Variants in ROBO2 observed in about 807,000 individuals in gnomAD.
ROBO2 encodes the protein roundabout guidance receptor 2.
ROBO2 carries 53 observed loss-of-function variants against 160.8 expected under a neutral mutation model. The ratio of observed to expected loss-of-function variants is 0.33; its 90% confidence interval spans 0.26 to 0.41. ROBO2 has a LOEUF of 0.41. ROBO2 is among the 10% of genes least tolerant of loss of function. The pLI is 1.00. For missense variants in ROBO2, 1,577 were observed against 1,722.4 expected, an observed-to-expected ratio of 0.92 and a Z score of 1.49; for synonymous variants, 664 against 611.7, an observed-to-expected ratio of 1.09 and a Z score of -1.26.
chr3:76,466,968 T>C (rs1310492325), intron 2 of ROBO2, among the ~76,000 whole-genome samples: 2 of 152,086 alleles, frequency 1.3e-5, no homozygotes, highest in Non-Finnish European at 2.9e-5. Flanking sequence ...CATGATGACA[T>C]TTTAATAGAT....
At chr3:77,476,068 T>C (rs1368650545) in intron 2 of ROBO2, among the ~76,000 whole-genome samples, 1 of 152,174 alleles carries the variant, frequency 6.6e-6, no homozygotes, top group Non-Finnish European at 1.5e-5. Flanking sequence ...TTCATTAAGA[T>C]GGAAAACCAT....
intron 2 of ROBO2, among the ~76,000 whole-genome samples, chr3:76,876,055 G>A (rs1411196510): frequency 1.3e-5 from 2 of 151,828 alleles, no homozygotes; most frequent in East Asian, 3.9e-4. Context: ...TATCTGCACA[G>A]TCCCTTTGTC....
At chr3:76,505,465 A>T (rs2080747015) in intron 2 of ROBO2, among the ~76,000 whole-genome samples, 3 of 152,038 alleles carry the variant, frequency 2.0e-5, no homozygotes, top group Admixed American at 1.3e-4. Context: ...TGTGAATGTG[A>T]TCTTATTTGG....
chr3:76,004,976 A>G (rs2065980683), intron 2 of ROBO2, among the ~76,000 whole-genome samples: 1 of 152,188 alleles, frequency 6.6e-6, no homozygotes, highest in South Asian at 2.1e-4. Context: ...TTTAGGTCAT[A>G]AAGGCTGAAG....
In ROBO2 at chr3:76,323,409, T is replaced by A. The variant is rs2072746022; in HGVS notation, c.109+385807T>A. On this transcript the variant is annotated intron_variant, in intron 2 of 26. Transcript: ENST00000487694. ...AAATGTTAGATGCATACTATTATTT[T>A]TTTATTTTTAGTCAAATAAAATGCA... 2.0e-5 allele frequency among the ~76,000 whole-genome samples: 3 copies of A among 152,324 alleles called. No individual in the cohort carries two copies. In the South Asian group the frequency reaches 6.2e-4, roughly 32 times the overall value.
chr3:76,773,063 T>A (rs949629449), intron 2 of ROBO2, among the ~76,000 whole-genome samples: 1 of 151,196 alleles, frequency 6.6e-6, no homozygotes, highest in African/African-American at 2.4e-5. Context: ...AAAACACAAA[T>A]GTAAGAAGTC....
At chr3:77,095,508 C>T (rs2070919649) in intron 1 of ROBO2, among the ~76,000 whole-genome samples, 1 of 152,086 alleles carries the variant, frequency 6.6e-6, no homozygotes, top group Non-Finnish European at 1.5e-5. Context: ...TATTTACTTG[C>T]TTACTTTTAA....
chr3:77,185,293 TACAG>T (rs1018537047), intron 2 of ROBO2, among the ~76,000 whole-genome samples: 7 of 151,980 alleles, frequency 4.6e-5, no homozygotes, highest in African/African-American at 7.2e-5. Context: ...GAATGGTTGT[TACAG>T]ACAGATTACT....
At chr3:76,439,942 C>T (rs1029860418) in intron 2 of ROBO2, among the ~76,000 whole-genome samples, 1 of 152,090 alleles carries the variant, frequency 6.6e-6, no homozygotes, top group Non-Finnish European at 1.5e-5. Context: ...CATCCTCTCT[C>T]CTTAAGCCTG....
intron 2 of ROBO2, among the ~76,000 whole-genome samples, chr3:76,443,854 T>G (rs1214194022): frequency 6.6e-6 from 1 of 152,204 alleles, no homozygotes; most frequent in African/African-American, 2.4e-5. Flanking sequence ...TGGTCTTTTC[T>G]GGAAAAGTTA....
intron 2 of ROBO2, among the ~76,000 whole-genome samples, chr3:77,177,057 A>G (rs886069693): frequency 6.6e-6 from 1 of 151,994 alleles, no homozygotes; most frequent in Admixed American, 6.6e-5. Flanking sequence ...AGTAGGAAAA[A>G]GAGATTTCTA....
chr3:76,759,046 A>G (rs80294866), intron 2 of ROBO2, among the ~76,000 whole-genome samples: 1,750 of 151,950 alleles, frequency 0.012, 30 homozygotes, highest in African/African-American at 0.039. Context: ...TAAGGCAATT[A>G]TTGACTAAAC....
At chr3:77,600,039 C>T (rs1666132) in intron 19 of ROBO2, among the ~76,000 whole-genome samples, 88,703 of 151,982 alleles carry the variant, frequency 0.58, 25,944 homozygotes, top group Middle Eastern at 0.69. Context: ...GAAGCATTTC[C>T]ATAACTCATA....
intron 2 of ROBO2, among the ~76,000 whole-genome samples, chr3:76,090,588 A>G (rs1482356376): frequency 2.6e-5 from 4 of 152,252 alleles, no homozygotes; most frequent in Admixed American, 2.6e-4. Context: ...AGATATCAAC[A>G]AACTGATTCT....
At position 77,217,542 on chromosome 3, in the gene ROBO2, T is replaced by C. The variant is rs144436868; in HGVS notation, c.388+119202T>C. 1.9e-3 allele frequency among the ~76,000 whole-genome samples: 294 copies of C among 152,336 alleles called. 1 individual carries two copies. The highest frequency in any genetic ancestry group is 3.7e-3 in the Admixed American group (57 of 15,300). Reference sequence around the variant, plus strand: ...GCTGCTGAAAAAGCATGATGATGTGTTTTTTGCTCCTGGTCATCTTCTGTC... The same window carrying C: ...GCTGCTGAAAAAGCATGATGATGTGCTTTTTGCTCCTGGTCATCTTCTGTC... On this transcript the variant is annotated intron_variant, in intron 2 of 25. Transcript: ENST00000461745.
chr3:76,351,372 T>C (rs2074864387), intron 2 of ROBO2, among the ~76,000 whole-genome samples: 2 of 151,958 alleles, frequency 1.3e-5, no homozygotes, highest in South Asian at 4.1e-4. Context: ...TGGAAACTAG[T>C]AGACCTTTGA....
At chr3:77,367,946 A>T (rs537553385) in intron 2 of ROBO2, among the ~76,000 whole-genome samples, 1 of 152,210 alleles carries the variant, frequency 6.6e-6, no homozygotes, top group Admixed American at 6.5e-5. Context: ...GGAAAACTAA[A>T]TTTTCTTCCA....
chr3:76,614,691 A>G (rs1421480194), intron 2 of ROBO2, among the ~76,000 whole-genome samples: 1 of 152,166 alleles, frequency 6.6e-6, no homozygotes, highest in Non-Finnish European at 1.5e-5. Flanking sequence ...TGCATAATGC[A>G]TGCGCAATAA....
chr3:76,205,014 A>G (rs970021005), intron 2 of ROBO2, among the ~76,000 whole-genome samples: 1 of 152,188 alleles, frequency 6.6e-6, no homozygotes, highest in Non-Finnish European at 1.5e-5. Context: ...TGGAAATATC[A>G]CTGAGACGAA....
Sources: gnomAD v4.1 joint callset for allele counts (sites outside exome capture counted in the v4.1 genomes callset) on GRCh38, gnomAD v4.1.1 for gene constraint, MANE v1.5 for transcripts, NCBI Gene and HGNC (gene_info 2026-07-23, HGNC 2026-07-21) for gene names.